The following AGBL2 variants were observed in gnomAD, a reference collection of about 807,000 sequenced individuals.
AGBL2 encodes the protein AGBL carboxypeptidase 2, also known as cytosolic carboxypeptidase 2.
In AGBL2, 87 loss-of-function variants were observed where a neutral mutation model predicts 103.0. The observed-to-expected ratio is 0.84, with a 90% CI of 0.71 to 1.01. The LOEUF (loss-of-function observed/expected upper bound fraction) is 1.01. AGBL2 is among the 50% of genes least tolerant of loss of function. AGBL2 has a pLI of 0.00. For missense variants in AGBL2, 904 were observed against 1,023.5 expected (o/e 0.88, Z 1.59); for synonymous variants, 335 against 356.7 (o/e 0.94, Z 0.69).
chr11:47,701,593 C>G (rs1263763365), intron 7 of AGBL2, among the ~76,000 whole-genome samples: 1 of 151,930 alleles, frequency 6.6e-6, no homozygotes, highest in Non-Finnish European at 1.5e-5. Flanking sequence ...CTTTAGGAGG[C>G]CAGGAGGATC....
intron 3 of AGBL2, chr11:47,711,027 A>G (rs2097535270): frequency 2.9e-6 from 1 of 348,950 alleles, no homozygotes; most frequent in Non-Finnish European, 5.6e-6. Context: ...CAGTTTACCC[A>G]TGTAACAAAC....
chr11:47,702,087 G>C (rs576945158), intron 7 of AGBL2, among the ~76,000 whole-genome samples: 46 of 152,216 alleles, frequency 3.0e-4, no homozygotes, highest in African/African-American at 1.1e-3. Flanking sequence ...GGAGTTCAAG[G>C]CTGCAGTGAG....
At position 47,685,944 on chromosome 11, in the gene AGBL2, C is replaced by G; in HGVS notation, c.1737G>C (p.Trp579Cys). 1 of 1,614,026 alleles carries G rather than the reference C, an allele frequency of 6.2e-7. No individual in the cohort carries two copies. Among genetic ancestry groups the G allele is most frequent in the Non-Finnish European group, 8.5e-7 (1 of 1,179,990 alleles). The change falls in exon 11 of 19, where the codon TGG (tryptophan) becomes TGC (cysteine). Residue 579 changes from tryptophan (W) to cysteine (C), a missense_variant. Trp to Cys is a radical substitution (Grantham distance 215, BLOSUM62 -2). Coordinates refer to ENST00000525123, the MANE Select transcript of AGBL2 (RefSeq NM_024783.4). ...TTAAAGGAAAGACTCGTTCATGAAG[C>G]CAGTATTTGCGATTGTTGTTATTAC... is the stretch of plus-strand genomic sequence containing the variant. ...YGCNNNNRKYWLHERVFPLML... is the reference protein window; with the variant it reads ...YGCNNNNRKYCLHERVFPLML...
chr11:47,699,381 T>C (rs962485396), intron 8 of AGBL2, 65 bp downstream of exon 8: 4 of 917,668 alleles, frequency 4.4e-6, no homozygotes, highest in African/African-American at 3.4e-5. Flanking sequence ...ACTTTTATTA[T>C]GGAACATATG....
chr11:47,673,582 G>C (rs929650348), intron 14 of AGBL2, among the ~76,000 whole-genome samples: 1 of 151,532 alleles, frequency 6.6e-6, no homozygotes, highest in Non-Finnish European at 1.5e-5. Flanking sequence ...CCGAGATCGT[G>C]CCGTTGCACT....
chr11:47,693,249 A>G (rs1245615808), intron 8 of AGBL2, among the ~76,000 whole-genome samples: 1 of 151,634 alleles, frequency 6.6e-6, no homozygotes, highest in African/African-American at 2.4e-5. Context: ...GCAGCCTCAA[A>G]CATCTGAGTT....
At chr11:47,671,564 T>C (rs2097357694) in intron 14 of AGBL2, among the ~76,000 whole-genome samples, 1 of 150,134 alleles carries the variant, frequency 6.7e-6, no homozygotes, top group South Asian at 2.1e-4. Context: ...AAAAAACACT[T>C]ATTGGCACAG....
rs1418371543 is a variant in AGBL2 at position 47,698,127 on chromosome 11, G to T, written c.694+1319C>A. 6.1e-5 allele frequency among the ~76,000 whole-genome samples: 9 copies of T among 146,526 alleles called. No individual in the cohort carries two copies. The East Asian group carries it at 1.8e-3, about 29-fold the overall frequency. ...TCTGCCCATCTTGGCCTCCCAAAGT[G>T]CTGGCATTACAGGTATGAGCCACCA... On this transcript the variant is annotated intron_variant, in intron 8 of 18. Transcript: ENST00000525123.
Position 47,681,859 on chromosome 11 carries a change from A to C in AGBL2, c.1915+110T>G, listed in dbSNP as rs2097402685. On this transcript the variant is annotated intron_variant, in intron 12 of 18. Transcript: ENST00000525123. ...AATTTAGCATAAGTCTAGACAAAGA[A>C]ATCCTCTAGATCAGTTATCTCCCCA... The C allele has an allele frequency of 3.8e-6, 5 of 1,332,044 alleles. No individual in the cohort carries two copies. The South Asian group carries it at 5.8e-5, about 15-fold the overall frequency. 82.5% of individuals were successfully genotyped at this position (1,332,044 alleles called of 1,614,324 possible).
chr11:47,670,560 A>G, intron 14 of AGBL2, among the ~76,000 whole-genome samples: 1 of 152,094 alleles, frequency 6.6e-6, no homozygotes, highest in Non-Finnish European at 1.5e-5. Context: ...TTTTCCTTCA[A>G]AAGTTTTGAA....
intron 18 of AGBL2, among the ~76,000 whole-genome samples, chr11:47,661,067 G>T (rs902617325): frequency 6.6e-6 from 1 of 152,020 alleles, no homozygotes; most frequent in Non-Finnish European, 1.5e-5. Context: ...AAAATATGAG[G>T]TGGGATAATC....
intron 8 of AGBL2, among the ~76,000 whole-genome samples, chr11:47,697,231 TTAA>T (rs1213300540): frequency 6.6e-6 from 1 of 151,768 alleles, no homozygotes; most frequent in Non-Finnish European, 1.5e-5. Context: ...ATCCAGCCTC[TTAA>T]TGATGATGAT....
intron 9 of AGBL2, among the ~76,000 whole-genome samples, chr11:47,691,865 A>G (rs2097448835): frequency 1.3e-5 from 2 of 148,734 alleles, no homozygotes; most frequent in South Asian, 2.1e-4. Flanking sequence ...TATGTTACAT[A>G]TTTTTACTAA....
chr11:47,679,624 A>G (rs1020541704), intron 13 of AGBL2, among the ~76,000 whole-genome samples: 7 of 151,832 alleles, frequency 4.6e-5, no homozygotes, highest in Non-Finnish European at 8.8e-5. Flanking sequence ...CCCATGTGAA[A>G]CTGACCACAG....
At chr11:47,661,853 A>AT (rs1440489544) in intron 18 of AGBL2, among the ~76,000 whole-genome samples, 2 of 151,138 alleles carry the variant, frequency 1.3e-5, no homozygotes. Flanking sequence ...GGTTCAAGTG[A>AT]TCCTCCTGCC....
Position 47,690,750 on chromosome 11 carries a change from G to A in AGBL2, c.957C>T (p.Arg319=). 1 of 1,614,144 alleles carries A rather than the reference G, an allele frequency of 6.2e-7. No homozygotes were observed. Among genetic ancestry groups the A allele is most frequent in the Non-Finnish European group, 8.5e-7 (1 of 1,180,028 alleles). Residue 319 remains arginine, a synonymous_variant, in exon 10 of 19, where the codon CGC becomes CGT. Coordinates refer to ENST00000525123, the MANE Select transcript of AGBL2 (RefSeq NM_024783.4). The stretch of plus-strand genomic sequence containing the variant: ...GTTTTAGCAAGTTGACAATGGTGAA[G>A]CGATAGGTAGCATCTTTTCTGGTGT... The part of the protein sequence containing the change: ...VQNTRKDATY[R]FTIVNLLKPK...
intron 15 of AGBL2, among the ~76,000 whole-genome samples, chr11:47,667,982 G>C (rs2097345985): frequency 6.6e-6 from 1 of 152,188 alleles, no homozygotes; most frequent in African/African-American, 2.4e-5. Context: ...GCTGAAGCGG[G>C]TGGATCACTT....
At chr11:47,678,644 T>G (rs1168381341) in intron 13 of AGBL2, among the ~76,000 whole-genome samples, 1 of 151,282 alleles carries the variant, frequency 6.6e-6, no homozygotes, top group East Asian at 2.0e-4. Context: ...TGATGATGAT[T>G]ATTATTAGTT....
intron 7 of AGBL2, among the ~76,000 whole-genome samples, chr11:47,701,063 AAAAC>A (rs994871215): frequency 6.6e-5 from 10 of 152,006 alleles, no homozygotes; most frequent in Middle Eastern, 3.4e-3. Flanking sequence ...CTCAAAAAAA[AAAAC>A]AAACAAACAA....
Sources: gnomAD v4.1 joint callset for allele counts (sites outside exome capture counted in the v4.1 genomes callset) on GRCh38, gnomAD v4.1.1 for gene constraint, MANE v1.5 for transcripts, NCBI Gene and HGNC (gene_info 2026-07-23, HGNC 2026-07-21) for gene names.